The following BTG4 variants were observed in gnomAD, a reference collection of about 807,000 sequenced individuals.
The protein encoded by BTG4 is BTG anti-proliferation factor 4, also known as protein BTG4.
A neutral mutation model predicts 19.3 loss-of-function variants in BTG4; 10 were observed. That is an observed-to-expected ratio of 0.52 (90% CI 0.32 to 0.88). The LOEUF is 0.88. Among genes scored for constraint, BTG4 ranks in the 40% least tolerant of loss-of-function variants. The pLI, the probability that BTG4 is intolerant of heterozygous loss-of-function variation, is 0.04. For missense variants in BTG4, 238 were observed against 281.9 expected (o/e 0.84, Z 1.11); for synonymous variants, 91 against 95.7 (o/e 0.95, Z 0.29).
intron 1 of BTG4, among the ~76,000 whole-genome samples, chr11:111,511,403 A>G (rs972451963): frequency 3.9e-5 from 6 of 152,258 alleles, no homozygotes; most frequent in Non-Finnish European, 7.3e-5. Flanking sequence ...AATGATCCAG[A>G]TGACCTGCCC....
the BTG4 span, among the ~76,000 whole-genome samples, chr11:111,411,224 C>T: frequency 4.6e-5 from 7 of 152,108 alleles, no homozygotes; most frequent in African/African-American, 1.4e-4. Flanking sequence ...ATCTGGCATC[C>T]TCCTGCTCCT....
chr11:111,486,106 A>T (rs1326332438), intron 5 of BTG4, among the ~76,000 whole-genome samples: 1 of 152,228 alleles, frequency 6.6e-6, no homozygotes, highest in African/African-American at 2.4e-5. Flanking sequence ...TACTGCTTCT[A>T]TCAAAGAAAA....
chr11:111,422,280 T>C, the BTG4 span, among the ~76,000 whole-genome samples: 140,215 of 152,224 alleles, frequency 0.92, 64,924 homozygotes, highest in East Asian at 1. Context: ...GGCACAAAAA[T>C]TGATCATAGA....
chr11:111,482,103 T>C (rs1864777129), intron 5 of BTG4, among the ~76,000 whole-genome samples: 2 of 151,938 alleles, frequency 1.3e-5, no homozygotes, highest in Admixed American at 1.3e-4. Context: ...AAAAAATTCC[T>C]GGAATAACTA....
intron 1 of BTG4, among the ~76,000 whole-genome samples, chr11:111,502,069 T>C (rs976476584): frequency 2.0e-5 from 3 of 152,150 alleles, no homozygotes; most frequent in Admixed American, 1.3e-4. Flanking sequence ...ACCTAAACTG[T>C]TGCACTTTGG....
rs755057123 is a variant in BTG4 at position 111,497,206 on chromosome 11, T to C, written c.510+5A>G. ...AGTATAGAAAAGAACTGGAACACTCTTGACCTGATAAATACTCTTCGGATT... is the reference window on the plus strand; with the variant it reads ...AGTATAGAAAAGAACTGGAACACTCCTGACCTGATAAATACTCTTCGGATT... On this transcript the variant is annotated splice_donor_5th_base_variant and intron_variant, in intron 4 of 4. Coordinates refer to ENST00000692032, the MANE Select transcript of BTG4 (RefSeq NM_001367975.1). The C allele has an allele frequency of 6.2e-7, 1 of 1,611,838 alleles. No homozygotes were observed. The highest frequency in any genetic ancestry group is 2.2e-5 in the East Asian group (1 of 44,818).
At chr11:111,465,055 C>T (rs905844528), downstream of BTG4, among the ~76,000 whole-genome samples, 3 of 152,164 alleles carry the variant, frequency 2.0e-5, no homozygotes, top group East Asian at 1.9e-4. Context: ...AAGAAATGAA[C>T]GAAGAGAAGA....
chr11:111,453,753 G>A, the BTG4 span, among the ~76,000 whole-genome samples: 5 of 152,206 alleles, frequency 3.3e-5, no homozygotes, highest in Admixed American at 6.5e-5. Flanking sequence ...TAACACTGCC[G>A]GGCACTAGGC....
In BTG4 at chr11:111,467,910, C is replaced by CAG. The variant is rs937306227; in HGVS notation, c.663-231_663-230dup. ...AATAGATCTCTGTCATTATCAAAGC[C>CAG]AGAGGTTCCAGGCTGGTATTTCCTA... is the stretch of plus-strand genomic sequence containing the variant. On this transcript the variant is annotated intron_variant, in intron 5 of 5. Transcript: ENST00000356018. 4.6e-5 allele frequency among the ~76,000 whole-genome samples: 7 copies of CAG among 152,246 alleles called. 1 individual carries two copies.
At chr11:111,448,025 C>T in the BTG4 span, among the ~76,000 whole-genome samples, 19 of 152,198 alleles carry the variant, frequency 1.2e-4, no homozygotes, top group African/African-American at 4.3e-4. Flanking sequence ...TACTTCTATG[C>T]CTACCTCTCT....
intron 5 of BTG4, among the ~76,000 whole-genome samples, chr11:111,481,454 A>G (rs1012955564): frequency 3.3e-5 from 5 of 151,832 alleles, no homozygotes; most frequent in Admixed American, 3.3e-4. Context: ...CAGTATGTAT[A>G]TAATAAATTA....
At chr11:111,496,959 T>C in intron 4 of BTG4, 1 of 392,540 alleles carries the variant, frequency 2.5e-6, no homozygotes, top group East Asian at 3.6e-5. Context: ...AACCTGTGTA[T>C]CTTCAAATAC....
chr11:111,510,052 C>T (rs1425633745), intron 1 of BTG4, among the ~76,000 whole-genome samples: 1 of 151,680 alleles, frequency 6.6e-6, no homozygotes, highest in African/African-American at 2.4e-5. Flanking sequence ...GCTGGAACTA[C>T]AGGCGCGCAC....
chr11:111,421,981 C>T, the BTG4 span, among the ~76,000 whole-genome samples: 1 of 152,024 alleles, frequency 6.6e-6, no homozygotes, highest in East Asian at 1.9e-4. Context: ...ACCAAGCTCA[C>T]GGGAATCAAA....
At chr11:111,443,799 G>T in the BTG4 span, among the ~76,000 whole-genome samples, 2 of 152,008 alleles carry the variant, frequency 1.3e-5, no homozygotes, top group African/African-American at 4.8e-5. Flanking sequence ...AACAAGTGTA[G>T]GGCAGCAATC....
intron 5 of BTG4, among the ~76,000 whole-genome samples, chr11:111,487,668 T>A (rs987055230): frequency 2.0e-5 from 3 of 152,142 alleles, no homozygotes; most frequent in Non-Finnish European, 4.4e-5. Flanking sequence ...GAAGTCAAAT[T>A]ATCATTCCTT....
chr11:111,500,246 T>C (rs1469970674), intron 1 of BTG4, among the ~76,000 whole-genome samples: 1 of 152,226 alleles, frequency 6.6e-6, no homozygotes, highest in Non-Finnish European at 1.5e-5. Context: ...TCAGTAGTTA[T>C]CAAGTTCCCC....
At chr11:111,456,224 G>A in the BTG4 span, among the ~76,000 whole-genome samples, 1 of 152,146 alleles carries the variant, frequency 6.6e-6, no homozygotes, top group Non-Finnish European at 1.5e-5. This position sits in a 1 kb window ranked among gnomAD's most constrained non-coding sequence, Gnocchi z 4.2. Flanking sequence ...GGTCTCGCAG[G>A]CCTGCTGAGT....
chr11:111,514,554 A>G (rs1268324885), upstream of BTG4: 1 of 548,588 alleles, frequency 1.8e-6, no homozygotes, highest in Non-Finnish European at 3.3e-6. Flanking sequence ...ACACAACCCA[A>G]AGTTGACGTT....
Sources: allele counts gnomAD v4.1 joint callset (sites outside exome capture counted in the v4.1 genomes callset), GRCh38; gene constraint gnomAD v4.1.1; non-coding constraint Gnocchi (gnomAD v3.1); transcripts MANE v1.5; gene names NCBI Gene and HGNC (gene_info 2026-07-23, HGNC 2026-07-21).